Variants in ANTXRL observed in about 807,000 individuals in gnomAD.
The protein encoded by ANTXRL is anthrax toxin receptor-like.
Under a neutral mutation model 75.4 loss-of-function variants are expected in ANTXRL, and 63 were observed. The ratio of observed to expected loss-of-function variants is 0.84; its 90% confidence interval spans 0.68 to 1.03. The LOEUF (loss-of-function observed/expected upper bound fraction) is 1.03. ANTXRL is among the 50% of genes least tolerant of loss of function. ANTXRL has a pLI of 0.00. For missense variants in ANTXRL, 797 were observed against 789.4 expected (o/e 1.01, Z -0.12); for synonymous variants, 335 against 291.3 (o/e 1.15, Z -1.53).
chr10:46,323,370 C>G (rs1192876921), intron 16 of ANTXRL, among the ~76,000 whole-genome samples: 1 of 152,182 alleles, frequency 6.6e-6, no homozygotes, highest in African/African-American at 2.4e-5. Context: ...ACTGCACTTA[C>G]ACAATTGTGG....
chr10:46,299,397 T>C (rs1837580777), intron 9 of ANTXRL, among the ~76,000 whole-genome samples: 1 of 152,046 alleles, frequency 6.6e-6, no homozygotes, highest in African/African-American at 2.4e-5. Flanking sequence ...GGGGTCCCAG[T>C]ATGGGTTGTG....
At chr10:46,314,007 G>C (rs541492569) in intron 16 of ANTXRL, among the ~76,000 whole-genome samples, 4 of 152,296 alleles carry the variant, frequency 2.6e-5, no homozygotes, top group African/African-American at 9.6e-5. Context: ...GCTCGGCCTG[G>C]GACTCATCTG....
rs1442153386 is a variant in ANTXRL, at chr10:46,330,094, C to T, written c.*10C>T. 5 of 1,496,510 alleles carry T rather than the reference C, an allele frequency of 3.3e-6. No individual in the cohort carries two copies. The highest frequency in any genetic ancestry group is 2.5e-5 in the East Asian group (1 of 40,496). 92.7% of individuals were successfully genotyped at this position (1,496,510 alleles called of 1,614,324 possible). ...AGAGCCCAACTTCTAAGGCACCAAA[C>T]ACCCAAGATTAACAGGCTTTTGTTG... is the stretch of plus-strand genomic sequence containing the variant. On this transcript the variant is annotated 3_prime_UTR_variant, in exon 17 of 17. Coordinates refer to ENST00000620264, the MANE Select transcript of ANTXRL (RefSeq NM_001278688.3).
intron 16 of ANTXRL, among the ~76,000 whole-genome samples, chr10:46,325,631 A>G (rs1468622335): frequency 6.6e-6 from 1 of 152,128 alleles, no homozygotes; most frequent in African/African-American, 2.4e-5. Flanking sequence ...ACTCCTTGCT[A>G]TATTTTGAGC....
chr10:46,292,464 C>A (rs1341206621), intron 2 of ANTXRL, among the ~76,000 whole-genome samples: 1 of 152,040 alleles, frequency 6.6e-6, no homozygotes, highest in African/African-American at 2.4e-5. Context: ...AAGTAGGGGG[C>A]AAAGAACTCC....
Position 46,329,786 on chromosome 10 carries a change from G to T in ANTXRL, c.1598G>T (p.Cys533Phe). Reference protein sequence around the residue: ...LKQARCSPNICLRHSQHSREC... With the variant: ...LKQARCSPNIFLRHSQHSREC... Reference sequence around the variant, plus strand: ...CAGGCTCGCTGCAGCCCAAACATCTGCCTGAGACACAGCCAACACAGCAGG... The same window carrying T: ...CAGGCTCGCTGCAGCCCAAACATCTTCCTGAGACACAGCCAACACAGCAGG... The change falls in exon 17 of 17, where the codon TGC (cysteine) becomes TTC (phenylalanine). Residue 533 changes from cysteine (C) to phenylalanine (F), a missense_variant. Cys to Phe is a radical substitution (Grantham distance 205). Around this residue, in one of 3 missense-constraint regions of ANTXRL, gnomAD observed 479 missense variants for 422.0 expected, o/e 1.14. Coordinates refer to ENST00000620264, the MANE Select transcript of ANTXRL (RefSeq NM_001278688.3). The T allele has an allele frequency of 6.5e-7, 1 of 1,533,296 alleles. No individual in the cohort carries two copies. Among genetic ancestry groups the T allele is most frequent in the Non-Finnish European group, 8.7e-7 (1 of 1,146,232 alleles). The allele number at this position is 1,533,296 out of a possible 1,614,324, so 95.0% of individuals were successfully genotyped here. A position where few individuals can be genotyped will look rare whatever the true frequency, so the allele number is the denominator to read the frequency against.
At chr10:46,309,972 G>A (rs1339479481) in intron 13 of ANTXRL, among the ~76,000 whole-genome samples, 7 of 152,232 alleles carry the variant, frequency 4.6e-5, no homozygotes, top group African/African-American at 1.7e-4. Context: ...ACAGAGAACA[G>A]AGCAGAAGGA....
At position 46,291,865 on chromosome 10, in the gene ANTXRL, T is replaced by C. The variant is rs79538702; in HGVS notation, c.249-193T>C. On this transcript the variant is annotated intron_variant, in intron 1 of 16. Coordinates refer to ENST00000620264, the MANE Select transcript of ANTXRL (RefSeq NM_001278688.3). ...GGCAGATGGGGCTGGGTGGTCACCTTATGCTGACCACTCAACTGGTGAAAC... is the reference window on the plus strand; with the variant it reads ...GGCAGATGGGGCTGGGTGGTCACCTCATGCTGACCACTCAACTGGTGAAAC... Among the ~76,000 whole-genome samples the C allele has an allele frequency of 4.5e-3, 692 of 152,160 alleles. 10 individuals are homozygous for C. The highest frequency in any genetic ancestry group is 0.016 in the African/African-American group (644 of 41,478).
intron 3 of ANTXRL, 187 bp downstream of exon 3, chr10:46,294,087 G>A (rs1837222378): frequency 1.7e-6 from 1 of 589,478 alleles, no homozygotes; most frequent in Admixed American, 3.3e-5. Context: ...ACCCATGGCT[G>A]CAAGGTTACC....
chr10:46,302,504 A>G (rs1837814730), intron 9 of ANTXRL, among the ~76,000 whole-genome samples: 1 of 152,092 alleles, frequency 6.6e-6, no homozygotes, highest in African/African-American at 2.4e-5. Context: ...AGGGTCCTTG[A>G]GTGTGCTTAA....
intron 16 of ANTXRL, among the ~76,000 whole-genome samples, 162 bp downstream of exon 16, chr10:46,313,478 T>G (rs1554964058): frequency 6.6e-6 from 1 of 152,162 alleles, no homozygotes; most frequent in Non-Finnish European, 1.5e-5. Context: ...CCAGCCAGTT[T>G]CTGGACATGG....
At chr10:46,320,192 C>T (rs1424383014) in intron 16 of ANTXRL, among the ~76,000 whole-genome samples, 4 of 152,154 alleles carry the variant, frequency 2.6e-5, no homozygotes, top group Admixed American at 2.6e-4. Context: ...CAAAGAGAAG[C>T]TAGTTTCTAC....
intron 12 of ANTXRL, chr10:46,308,810 C>T (rs1210977524): frequency 3.0e-5 from 13 of 439,208 alleles, no homozygotes; most frequent in East Asian, 1.9e-4. Context: ...GTCTTTGTAC[C>T]GGTAGATTTT....
intron 10 of ANTXRL, among the ~76,000 whole-genome samples, chr10:46,303,683 G>A (rs1190578400): frequency 6.6e-6 from 1 of 152,106 alleles, no homozygotes; most frequent in Non-Finnish European, 1.5e-5. Flanking sequence ...TCATGGAAGG[G>A]CTATAGTATT....
At position 46,292,073 on chromosome 10, in the gene ANTXRL, C is replaced by A; in HGVS notation, c.264C>A (p.Asn88Lys). 1 of 1,536,324 alleles carries A rather than the reference C, an allele frequency of 6.5e-7. No individual in the cohort carries two copies. Among genetic ancestry groups the A allele is most frequent in the Non-Finnish European group, 8.7e-7 (1 of 1,146,820 alleles). Reference protein sequence around the residue: ...YFILDKSGSVNNNWIDLYMWV... With the variant: ...YFILDKSGSVKNNWIDLYMWV... The stretch of plus-strand genomic sequence containing the variant: ...TTTGTTTTAGGTCTGGCAGCGTGAA[C>A]AATAACTGGATTGACCTTTATATGT... The change falls in exon 2 of 17, where the codon AAC (asparagine) becomes AAA (lysine). Residue 88 changes from asparagine (N) to lysine (K), a missense_variant. Around this residue, in one of 3 missense-constraint regions of ANTXRL, gnomAD observed 262 missense variants for 271.9 expected, o/e 0.96. Transcript: ENST00000620264.
At chr10:46,293,576 CGT>C (rs1363831958) in intron 2 of ANTXRL, among the ~76,000 whole-genome samples, 4 of 57,176 alleles carry the variant, frequency 7.0e-5, no homozygotes, top group Admixed American at 3.5e-4. Context: ...TGTGTGTGCG[CGT>C]GTGTGTGTGC....
In ANTXRL at chr10:46,330,080, T is replaced by C; in HGVS notation, c.1892T>C (p.Phe631Ser). 1 of 1,473,516 alleles carries C rather than the reference T, an allele frequency of 6.8e-7. No individual in the cohort carries two copies. The highest frequency in any genetic ancestry group is 1.3e-5 in the South Asian group (1 of 78,998). The allele number at this position is 1,473,516 out of a possible 1,614,324, so 91.3% of individuals were successfully genotyped here. A position where few individuals can be genotyped will look rare whatever the true frequency, so the allele number is the denominator to read the frequency against. Residue 631 changes from phenylalanine to serine, a missense_variant, in exon 17 of 17, where the codon TTC (phenylalanine) becomes TCC (serine). By Grantham distance (155) the Phe-to-Ser change is radical. Coordinates refer to ENST00000620264, the MANE Select transcript of ANTXRL (RefSeq NM_001278688.3). ...PLSLPPSEPN[F>S] Reference sequence around the variant, plus strand: ...TCACTCCCCCCCTCAGAGCCCAACTTCTAAGGCACCAAACACCCAAGATTA... The same window carrying C: ...TCACTCCCCCCCTCAGAGCCCAACTCCTAAGGCACCAAACACCCAAGATTA...
intron 16 of ANTXRL, among the ~76,000 whole-genome samples, chr10:46,328,935 T>C (rs1839357463): frequency 6.6e-6 from 1 of 152,084 alleles, no homozygotes; most frequent in African/African-American, 2.4e-5. Flanking sequence ...TGAAAGGCCC[T>C]GATCAAGTCT....
At chr10:46,297,980 C>T (rs1837488061) in intron 8 of ANTXRL, 22 bp from the exon 9 acceptor site, 2 of 1,535,840 alleles carry the variant, frequency 1.3e-6, no homozygotes, top group Non-Finnish European at 8.7e-7. Context: ...CCCTGTCCCG[C>T]CCCACCCCTC....
Sources: gnomAD v4.1 joint callset for allele counts (sites outside exome capture counted in the v4.1 genomes callset) on GRCh38, gnomAD v4.1.1 for gene constraint, gnomAD v4.1.1 regional missense constraint, MANE v1.5 for transcripts, NCBI Gene and HGNC (gene_info 2026-07-23, HGNC 2026-07-21) for gene names.